The following CTNNA3 variants were observed in gnomAD, a reference collection of about 807,000 sequenced individuals.
The protein encoded by CTNNA3 is catenin alpha-3.
CTNNA3 carries 76 observed loss-of-function variants against 95.7 expected under a neutral mutation model. The observed-to-expected ratio is 0.79, with a 90% CI of 0.66 to 0.96. The LOEUF (loss-of-function observed/expected upper bound fraction) is 0.96. Among genes scored for constraint, CTNNA3 ranks in the 40% least tolerant of loss-of-function variants. CTNNA3 has a pLI of 0.00. For synonymous variants in CTNNA3, 431 were observed against 374.4 expected (o/e 1.15, Z -1.74); for missense variants, 1,191 against 1,089.8 (o/e 1.09, Z -1.31).
chr10:67,455,115 G>T (rs143425007), intron 5 of CTNNA3, among the ~76,000 whole-genome samples: 1 of 151,962 alleles, frequency 6.6e-6, no homozygotes, highest in Non-Finnish European at 1.5e-5. Context: ...CAGATGATTC[G>T]ATTGTACTTT....
chr10:67,350,248 A>G (rs1270247073), intron 5 of CTNNA3, among the ~76,000 whole-genome samples: 1 of 152,050 alleles, frequency 6.6e-6, no homozygotes, highest in Non-Finnish European at 1.5e-5. Context: ...ACTAGACCAT[A>G]CCATGGTTGT....
intron 7 of CTNNA3, among the ~76,000 whole-genome samples, chr10:66,914,883 T>A (rs766493529): frequency 7.9e-5 from 12 of 152,186 alleles, no homozygotes; most frequent in Non-Finnish European, 1.5e-4. Context: ...CCCAGTGGTA[T>A]CATTGCTGGA....
intron 3 of CTNNA3, among the ~76,000 whole-genome samples, chr10:67,548,689 C>G (rs766956635): frequency 1.3e-5 from 2 of 151,976 alleles, no homozygotes; most frequent in Admixed American, 1.3e-4. Context: ...ACTTTATAAT[C>G]TTGAGTTAGG....
In CTNNA3 at chr10:67,439,853, C is replaced by T. The variant is rs74144446; in HGVS notation, c.579+81989G>A. Reference sequence around the variant, plus strand: ...CAATATCCAGGTAATATGCCATGGGCCTTGGGTGAAACTCTGAGACATGCT... The same window carrying T: ...CAATATCCAGGTAATATGCCATGGGTCTTGGGTGAAACTCTGAGACATGCT... On this transcript the variant is annotated intron_variant, in intron 5 of 17. Coordinates refer to ENST00000433211, the MANE Select transcript of CTNNA3 (RefSeq NM_013266.4). Among the ~76,000 whole-genome samples the T allele has an allele frequency of 3.0e-3, 457 of 152,214 alleles. 1 individual carries two copies. The highest frequency in any genetic ancestry group is 0.01 in the African/African-American group (434 of 41,544).
chr10:67,311,743 G>A (rs574152481), intron 5 of CTNNA3, among the ~76,000 whole-genome samples: 1 of 152,078 alleles, frequency 6.6e-6, no homozygotes, highest in Non-Finnish European at 1.5e-5. Context: ...AAACTTGCAC[G>A]AATAAATAAA....
At chr10:66,739,612 G>T (rs1265885412) in intron 9 of CTNNA3, among the ~76,000 whole-genome samples, 1 of 151,926 alleles carries the variant, frequency 6.6e-6, no homozygotes, top group Non-Finnish European at 1.5e-5. Context: ...CTTATATATA[G>T]ATAGCTATTT....
At chr10:67,422,008 T>G (rs1845763669) in intron 5 of CTNNA3, among the ~76,000 whole-genome samples, 1 of 152,076 alleles carries the variant, frequency 6.6e-6, no homozygotes, top group Admixed American at 6.5e-5. Context: ...TTATCAAAAA[T>G]GCATAGTCTG....
chr10:66,273,582 T>C (rs1049185301), intron 13 of CTNNA3, among the ~76,000 whole-genome samples: 14 of 152,148 alleles, frequency 9.2e-5, no homozygotes, highest in Non-Finnish European at 1.9e-4. Flanking sequence ...ACCTTAAAAA[T>C]TGAGTTTCAA....
In CTNNA3 at chr10:65,982,404, G is replaced by T. The variant is rs192280352; in HGVS notation, c.2265+6288C>A. On this transcript the variant is annotated intron_variant, in intron 16 of 17. Transcript: ENST00000433211. ...AGGGAACACCTTTACACTGTTATTG[G>T]GAATGTAAACTAGTACAACCAGTAT... Among the ~76,000 whole-genome samples, 431 of 151,452 alleles carry T rather than the reference G, an allele frequency of 2.8e-3. 3 individuals carry two copies. Among genetic ancestry groups the T allele is most frequent in the African/African-American group, 0.01 (416 of 41,356 alleles).
chr10:67,442,763 A>G (rs1283113810), intron 5 of CTNNA3, among the ~76,000 whole-genome samples: 2 of 152,082 alleles, frequency 1.3e-5, no homozygotes, highest in Non-Finnish European at 2.9e-5. Context: ...CAATATAATA[A>G]CAACTAGAGA....
intron 13 of CTNNA3, among the ~76,000 whole-genome samples, chr10:66,154,620 T>C (rs2084381379): frequency 6.7e-6 from 1 of 150,114 alleles, no homozygotes; most frequent in South Asian, 2.1e-4. Context: ...CCACCAACAA[T>C]TTTCGTCAAA....
At chr10:67,014,097 G>C (rs1852507993) in intron 7 of CTNNA3, among the ~76,000 whole-genome samples, 1 of 152,132 alleles carries the variant, frequency 6.6e-6, no homozygotes, top group Non-Finnish European at 1.5e-5. Flanking sequence ...ACATTAGTTT[G>C]TATTTTGGTT....
chr10:67,364,523 C>A (rs918997632), intron 5 of CTNNA3, among the ~76,000 whole-genome samples: 6 of 151,702 alleles, frequency 4.0e-5, no homozygotes, highest in Non-Finnish European at 8.9e-5. Flanking sequence ...GATACTTCAG[C>A]AAAGTCTCAG....
rs573237182 is a variant in CTNNA3 at position 67,449,977 on chromosome 10, G to A, written c.579+71865C>T. On this transcript the variant is annotated intron_variant, in intron 5 of 17. Transcript: ENST00000433211. ...AAAACAAATAACCCCATTAAAAAGTGGACAAAAGACATGAACAGGCACTTT... is the reference window on the plus strand; with the variant it reads ...AAAACAAATAACCCCATTAAAAAGTAGACAAAAGACATGAACAGGCACTTT... Among the ~76,000 whole-genome samples the A allele has an allele frequency of 9.2e-5, 14 of 152,152 alleles. No homozygotes were observed. In the East Asian group the frequency reaches 1.5e-3, roughly 17 times the overall value.
intron 1 of CTNNA3, among the ~76,000 whole-genome samples, chr10:67,762,424 T>C (rs1291121378): frequency 1.4e-5 from 2 of 142,300 alleles, no homozygotes; most frequent in Non-Finnish European, 3.0e-5. Flanking sequence ...CTTTGAGCAA[T>C]GTTAACCATA....
chr10:66,759,337 G>A (rs1338061995), intron 9 of CTNNA3, among the ~76,000 whole-genome samples: 1 of 152,188 alleles, frequency 6.6e-6, no homozygotes, highest in East Asian at 1.9e-4. Flanking sequence ...TTACAAGGCA[G>A]ATATAAGAGA....
At chr10:67,633,774 T>G (rs761267317) in intron 2 of CTNNA3, among the ~76,000 whole-genome samples, 1 of 151,826 alleles carries the variant, frequency 6.6e-6, no homozygotes, top group Non-Finnish European at 1.5e-5. Flanking sequence ...AAGACAAGAT[T>G]AGAGAAAAAA....
chr10:66,489,541 G>A (rs2441739), intron 11 of CTNNA3, among the ~76,000 whole-genome samples: 88,233 of 152,004 alleles, frequency 0.58, 26,678 homozygotes, highest in East Asian at 0.96. Flanking sequence ...ACTCCCCAAC[G>A]TTATGTACAC....
At position 66,809,122 on chromosome 10, in the gene CTNNA3, A is replaced by G. The variant is rs566720661; in HGVS notation, c.1048-33598T>C. ...TTCTTTCTTAAAGCTTGCTGACATC[A>G]TTTGGAAATTCTCAAACACTTGTTC... On this transcript the variant is annotated intron_variant, in intron 7 of 17. Coordinates refer to ENST00000433211, the MANE Select transcript of CTNNA3 (RefSeq NM_013266.4). 1.0e-3 allele frequency among the ~76,000 whole-genome samples: 154 copies of G among 152,274 alleles called. 1 individual carries two copies. Among genetic ancestry groups the G allele is most frequent in the Admixed American group, 2.7e-3 (41 of 15,274 alleles).
Sources: allele counts gnomAD v4.1 joint callset (sites outside exome capture counted in the v4.1 genomes callset), GRCh38; gene constraint gnomAD v4.1.1; transcripts MANE v1.5; gene names NCBI Gene and HGNC (gene_info 2026-07-23, HGNC 2026-07-21).